PTPRD: variants seen among roughly 807,000 people sequenced by gnomAD.
The protein encoded by PTPRD is receptor-type tyrosine-protein phosphatase delta.
A neutral mutation model predicts 214.5 loss-of-function variants in PTPRD; 34 were observed. The observed-to-expected ratio is 0.16, with a 90% CI of 0.12 to 0.21. The LOEUF is 0.21. Among genes scored for constraint, PTPRD ranks in the 10% least tolerant of loss-of-function variants. The probability of loss-of-function intolerance (pLI) is 1.00; values close to 1 mark genes in which losing one functional copy is unlikely to be tolerated. For missense variants in PTPRD, 2,545 were observed against 2,398.7 expected (o/e 1.06, Z -1.27); for synonymous variants, 1,128 against 845.7 (o/e 1.33, Z -5.79).
At chr9:10,251,427 G>C (rs2092755773) in intron 3 of PTPRD, among the ~76,000 whole-genome samples, 1 of 151,218 alleles carries the variant, frequency 6.6e-6, no homozygotes, top group Non-Finnish European at 1.5e-5. Flanking sequence ...TTTTCCTAGT[G>C]AGTAGGATTA....
Position 10,273,820 on chromosome 9 carries a change from G to T in PTPRD, c.-545+67143C>A, listed in dbSNP as rs78375147. Among the ~76,000 whole-genome samples the T allele has an allele frequency of 7.2e-5, 11 of 152,196 alleles. 1 individual carries two copies. The East Asian group carries it at 1.9e-3, about 27-fold the overall frequency. On this transcript the variant is annotated intron_variant, in intron 3 of 45. Transcript: ENST00000381196. ...ATACCATAAAGGTTAAAACACAATG[G>T]CCTTGCTTATATCTTGATGTACTTT... is the stretch of plus-strand genomic sequence containing the variant.
At chr9:9,867,312 T>C (rs2064225037) in intron 5 of PTPRD, among the ~76,000 whole-genome samples, 1 of 152,144 alleles carries the variant, frequency 6.6e-6, no homozygotes, top group African/African-American at 2.4e-5. Flanking sequence ...AATAATGAAA[T>C]CATTATACCC....
chr9:8,427,885 G>T (rs778348352), intron 35 of PTPRD, among the ~76,000 whole-genome samples: 1 of 151,964 alleles, frequency 6.6e-6, no homozygotes, highest in Admixed American at 6.6e-5. Flanking sequence ...TACATGCAAT[G>T]ATGGAGTATC....
chr9:10,525,952 GTTATTTACAT>G (rs1324549268), intron 2 of PTPRD, among the ~76,000 whole-genome samples: 1 of 152,022 alleles, frequency 6.6e-6, no homozygotes, highest in Non-Finnish European at 1.5e-5. Flanking sequence ...ACCTCATGCG[GTTATTTACAT>G]TTAAATTAAT....
At chr9:9,436,880 T>C (rs2143918907) in intron 8 of PTPRD, among the ~76,000 whole-genome samples, 1 of 129,752 alleles carries the variant, frequency 7.7e-6, no homozygotes, top group Non-Finnish European at 1.7e-5. Context: ...CCAAACAAAG[T>C]TACTAAGGCA....
At chr9:9,517,355 T>C (rs1024707971) in intron 8 of PTPRD, among the ~76,000 whole-genome samples, 3 of 152,078 alleles carry the variant, frequency 2.0e-5, no homozygotes, top group Non-Finnish European at 4.4e-5. Flanking sequence ...AGTAAGGGGA[T>C]AGACTTTGTT....
intron 14 of PTPRD, among the ~76,000 whole-genome samples, chr9:8,563,121 G>C (rs1284290107): frequency 1.3e-5 from 2 of 151,940 alleles, no homozygotes; most frequent in Non-Finnish European, 2.9e-5. Context: ...CTGAGTGTCA[G>C]CTTGGCACAA....
At chr9:9,937,156 C>T (rs1343607627) in intron 5 of PTPRD, among the ~76,000 whole-genome samples, 1 of 151,702 alleles carries the variant, frequency 6.6e-6, no homozygotes, top group Non-Finnish European at 1.5e-5. Flanking sequence ...AGCGCACCAG[C>T]ATGGCACATG....
chr9:9,479,228 C>CCCCA (rs1436842502), intron 8 of PTPRD, among the ~76,000 whole-genome samples: 4 of 110,558 alleles, frequency 3.6e-5, no homozygotes, highest in East Asian at 2.8e-4. Context: ...CCCCCCCCCC[C>CCCCA]CACACACACA....
chr9:8,750,128 A>G (rs996972554), intron 11 of PTPRD, among the ~76,000 whole-genome samples: 1 of 152,018 alleles, frequency 6.6e-6, no homozygotes, highest in Non-Finnish European at 1.5e-5. Flanking sequence ...GTTCCCTGAT[A>G]CTGATACATT....
At chr9:9,453,564 ACT>A (rs1185967922) in intron 8 of PTPRD, among the ~76,000 whole-genome samples, 1 of 151,438 alleles carries the variant, frequency 6.6e-6, no homozygotes, top group African/African-American at 2.4e-5. Flanking sequence ...ACTAAAGGTA[ACT>A]CTTGGTAATT....
At chr9:8,735,717 C>A (rs968121595) in intron 11 of PTPRD, among the ~76,000 whole-genome samples, 1 of 151,950 alleles carries the variant, frequency 6.6e-6, no homozygotes, top group Non-Finnish European at 1.5e-5. Context: ...CAAGACCAGC[C>A]TGGCCAACAT....
chr9:10,138,265 T>C (rs1029266076), intron 3 of PTPRD, among the ~76,000 whole-genome samples: 3 of 151,882 alleles, frequency 2.0e-5, no homozygotes, highest in African/African-American at 4.8e-5. Context: ...AACACCCCTA[T>C]CCATACAAAG....
At chr9:9,507,247 T>C (rs919888216) in intron 8 of PTPRD, among the ~76,000 whole-genome samples, 13 of 151,290 alleles carry the variant, frequency 8.6e-5, no homozygotes, top group African/African-American at 2.7e-4. Context: ...ATACAATATA[T>C]ATTAATTTAT....
At chr9:8,421,343 T>G (rs1370674554) in intron 35 of PTPRD, among the ~76,000 whole-genome samples, 1 of 148,852 alleles carries the variant, frequency 6.7e-6, no homozygotes, top group South Asian at 2.1e-4. Context: ...TCTTTTTCTT[T>G]TCTTTCTTCT....
chr9:8,652,277 T>A (rs2096828222), intron 12 of PTPRD, among the ~76,000 whole-genome samples: 1 of 152,230 alleles, frequency 6.6e-6, no homozygotes, highest in Non-Finnish European at 1.5e-5. Context: ...CTTTTTTCTC[T>A]TTTTCCCCTA....
At chr9:10,209,997 T>C (rs1179742649) in intron 3 of PTPRD, among the ~76,000 whole-genome samples, 1 of 152,162 alleles carries the variant, frequency 6.6e-6, no homozygotes, top group Non-Finnish European at 1.5e-5. Flanking sequence ...ATCTTCAGTT[T>C]ATTATATTCT....
intron 3 of PTPRD, among the ~76,000 whole-genome samples, chr9:10,333,841 T>C (rs902509067): frequency 1.3e-5 from 2 of 151,846 alleles, no homozygotes; most frequent in African/African-American, 4.8e-5. Context: ...CCTGCATCTA[T>C]GCACTTGACT....
chr9:9,672,599 T>C (rs1594849848), intron 7 of PTPRD, among the ~76,000 whole-genome samples: 1 of 152,120 alleles, frequency 6.6e-6, no homozygotes, highest in Admixed American at 6.6e-5. Flanking sequence ...ACATTTGTAC[T>C]TAGCTACTTC....
Sources: allele counts gnomAD v4.1 joint callset (sites outside exome capture counted in the v4.1 genomes callset), GRCh38; gene constraint gnomAD v4.1.1; transcripts MANE v1.5; gene names NCBI Gene and HGNC (gene_info 2026-07-23, HGNC 2026-07-21).